Variants in MMP24 observed in about 807,000 individuals in gnomAD.
The protein encoded by MMP24 is matrix metallopeptidase 24, also known as matrix metalloproteinase-24.
MMP24 carries 25 observed loss-of-function variants against 62.8 expected under a neutral mutation model. The ratio of observed to expected loss-of-function variants is 0.40; its 90% CI spans 0.29 to 0.56. MMP24 has a LOEUF of 0.56. MMP24 is among the 20% of genes least tolerant of loss of function. The pLI is 0.50. For synonymous variants in MMP24, 319 were observed against 350.5 expected, an observed-to-expected ratio of 0.91 and a Z score of 1.00; for missense variants, 634 against 853.6, an observed-to-expected ratio of 0.74 and a Z score of 3.21.
Position 35,271,984 on chromosome 20 carries a change from G to T in MMP24, c.1600+149G>T. 1.1e-6 allele frequency: 1 copy of T among 872,052 alleles called. No individual in the cohort carries two copies. Among genetic ancestry groups the T allele is most frequent in the Non-Finnish European group, 1.7e-6 (1 of 586,586 alleles). The allele number at this position is 872,052 out of a possible 1,614,324, so 54.0% of individuals were successfully genotyped here. Reference sequence around the variant, plus strand: ...CTGCCTCATATCTACCCATGTTCACGTGGTCCATTAATTCACTTACCAGCT... The same window carrying T: ...CTGCCTCATATCTACCCATGTTCACTTGGTCCATTAATTCACTTACCAGCT... On this transcript the variant is annotated intron_variant, in intron 8 of 8. Coordinates refer to ENST00000246186, the MANE Select transcript of MMP24 (RefSeq NM_006690.4). This position sits in a 1 kb window ranked among gnomAD's most constrained non-coding sequence, Gnocchi z 4.0.
intron 1 of MMP24, among the ~76,000 whole-genome samples, chr20:35,235,391 G>A (rs1348257513): frequency 6.6e-6 from 1 of 151,734 alleles, no homozygotes; most frequent in African/African-American, 2.4e-5. Flanking sequence ...GCCATAGAGT[G>A]AAACCCTGTC....
intron 4 of MMP24, among the ~76,000 whole-genome samples, chr20:35,261,795 C>CTT (rs11335936): frequency 0.089 from 7,921 of 88,956 alleles, 495 homozygotes; most frequent in African/African-American, 0.14. Context: ...TCAGGGCATC[C>CTT]TTTTTTTTTT....
intron 1 of MMP24, among the ~76,000 whole-genome samples, chr20:35,242,420 G>A (rs1258835782): frequency 6.6e-6 from 1 of 152,136 alleles, no homozygotes; most frequent in Non-Finnish European, 1.5e-5. Flanking sequence ...AAAACTTGGT[G>A]GTCTGAAGGA....
chr20:35,272,648 G>A (rs2060677546), intron 8 of MMP24, among the ~76,000 whole-genome samples: 1 of 152,190 alleles, frequency 6.6e-6, no homozygotes, highest in African/African-American at 2.4e-5. Flanking sequence ...GAGCTTCTCA[G>A]GAGGAGCTGC....
chr20:35,266,357 A>G (rs2060635688), intron 5 of MMP24, among the ~76,000 whole-genome samples: 1 of 150,106 alleles, frequency 6.7e-6, no homozygotes, highest in Non-Finnish European at 1.5e-5. Context: ...TTCTCAAAAA[A>G]AAAAAAAAAA....
chr20:35,238,732 G>A (rs192930599), intron 1 of MMP24, among the ~76,000 whole-genome samples: 2 of 152,210 alleles, frequency 1.3e-5, no homozygotes, highest in East Asian at 3.9e-4. Context: ...CAGATCTCTT[G>A]CTCAAATGTC....
At chr20:35,251,762 G>T in intron 2 of MMP24, 143 bp from the exon 3 acceptor site, 1 of 631,506 alleles carries the variant, frequency 1.6e-6, no homozygotes, top group Non-Finnish European at 2.9e-6. Context: ...TTCTTGTTGG[G>T]GTCCATCCAA....
intron 1 of MMP24, among the ~76,000 whole-genome samples, chr20:35,246,443 C>T (rs1478098806): frequency 1.3e-5 from 2 of 152,176 alleles, no homozygotes; most frequent in African/African-American, 4.8e-5. Context: ...TGTCACTGCA[C>T]TCCAGCCTGG....
Position 35,274,687 on chromosome 20 carries a change from C to A in MMP24, c.*78C>A. 3.2e-6 allele frequency: 4 copies of A among 1,250,714 alleles called. No individual in the cohort carries two copies. Among genetic ancestry groups the A allele is most frequent in the South Asian group, 1.5e-5 (1 of 65,776 alleles). 77.5% of individuals were successfully genotyped at this position (1,250,714 alleles called of 1,614,324 possible). A position where few individuals can be genotyped will look rare whatever the true frequency, so the allele number is the denominator to read the frequency against. ...ACCAGGGTCTGAGGGGCAGCTCTGG[C>A]CAGTGCTCACCAGGGCCAGCAGGGC... On this transcript the variant is annotated 3_prime_UTR_variant, in exon 9 of 9. Transcript: ENST00000246186. The surrounding 1 kb of genome is among the most constrained non-coding windows in gnomAD (Gnocchi z 5.1).
At chr20:35,273,607 C>T (rs531377924) in intron 8 of MMP24, among the ~76,000 whole-genome samples, 1 of 152,136 alleles carries the variant, frequency 6.6e-6, no homozygotes, top group Non-Finnish European at 1.5e-5. Context: ...ACATCAAGGA[C>T]CGAGACCAAT....
chr20:35,259,959 A>G (rs927043975), intron 4 of MMP24, among the ~76,000 whole-genome samples: 1 of 152,180 alleles, frequency 6.6e-6, no homozygotes, highest in Non-Finnish European at 1.5e-5. Flanking sequence ...TGTTCCTTCT[A>G]TCTTCCAGAG....
chr20:35,231,099 G>A (rs1295972040), intron 1 of MMP24, among the ~76,000 whole-genome samples: 1 of 152,108 alleles, frequency 6.6e-6, no homozygotes, highest in Non-Finnish European at 1.5e-5. Flanking sequence ...TCTCTTATTT[G>A]CTGAGTAGAA....
At position 35,231,248 on chromosome 20, in the gene MMP24, T is replaced by C. The variant is rs138358435; in HGVS notation, c.246+4264T>C. ...GTGTGACTCCTAGACCCAGGACTTATGGATTCCTGCCCTTGAGACTGGTTT... is the reference window on the plus strand; with the variant it reads ...GTGTGACTCCTAGACCCAGGACTTACGGATTCCTGCCCTTGAGACTGGTTT... On this transcript the variant is annotated intron_variant, in intron 1 of 8. Coordinates refer to ENST00000246186, the MANE Select transcript of MMP24 (RefSeq NM_006690.4). Among the ~76,000 whole-genome samples, 414 of 152,342 alleles carry C rather than the reference T, an allele frequency of 2.7e-3. 2 individuals carry two copies. The highest frequency in any genetic ancestry group is 9.4e-3 in the African/African-American group (391 of 41,572).
intron 1 of MMP24, among the ~76,000 whole-genome samples, chr20:35,246,560 G>A (rs1198386856): frequency 6.6e-6 from 1 of 152,172 alleles, no homozygotes; most frequent in African/African-American, 2.4e-5. Context: ...TGAGTAAAGA[G>A]GCAGGGCAAT....
intron 1 of MMP24, among the ~76,000 whole-genome samples, chr20:35,245,129 C>T (rs571056367): frequency 6.6e-6 from 1 of 152,076 alleles, no homozygotes; most frequent in East Asian, 1.9e-4. Flanking sequence ...CGGGCTCAAG[C>T]GATCCTCCTG....
At chr20:35,228,687 A>T (rs759440669) in intron 1 of MMP24, among the ~76,000 whole-genome samples, 9 of 152,228 alleles carry the variant, frequency 5.9e-5, no homozygotes, top group Non-Finnish European at 1.3e-4. Context: ...TCAAGCATTA[A>T]GAGGAAGCTA....
At position 35,274,425 on chromosome 20, in the gene MMP24, A is replaced by G; in HGVS notation, c.1754A>G (p.Asp585Gly). ...ERRKERRLPQ[D>G]DVDIMVTIND... is the part of the protein sequence containing the mutation. ...CGGAAGGAGCGGCGGCTGCCCCAGG[A>G]CGACGTGGACATCATGGTGACCATC... The change falls in exon 9 of 9, where the codon GAC (aspartate) becomes GGC (glycine). Residue 585 changes from aspartate to glycine, a missense_variant. Coordinates refer to ENST00000246186, the MANE Select transcript of MMP24 (RefSeq NM_006690.4). This position sits in a 1 kb window ranked among gnomAD's most constrained non-coding sequence, Gnocchi z 5.1. The G allele has an allele frequency of 1.2e-6, 2 of 1,613,878 alleles. No homozygotes were observed. The highest frequency in any genetic ancestry group is 1.7e-6 in the Non-Finnish European group (2 of 1,179,874).
chr20:35,248,379 CA>C (rs1227376751), intron 2 of MMP24, among the ~76,000 whole-genome samples: 1 of 144,378 alleles, frequency 6.9e-6, no homozygotes, highest in Non-Finnish European at 1.5e-5. Flanking sequence ...GATCTCGGTT[CA>C]CTGCAACCAC....
intron 1 of MMP24, among the ~76,000 whole-genome samples, chr20:35,246,328 T>G (rs1051715347): frequency 6.6e-6 from 1 of 151,538 alleles, no homozygotes; most frequent in African/African-American, 2.4e-5. Flanking sequence ...TTTACAAAAA[T>G]TAGCTAGGCA....
Sources: gnomAD v4.1 joint callset for allele counts (sites outside exome capture counted in the v4.1 genomes callset) on GRCh38, gnomAD v4.1.1 for gene constraint, Gnocchi (gnomAD v3.1) non-coding constraint, MANE v1.5 for transcripts, NCBI Gene and HGNC (gene_info 2026-07-23, HGNC 2026-07-21) for gene names.